Variants in SCMH1 observed in about 807,000 individuals in gnomAD.
The protein encoded by SCMH1 is Scm polycomb group protein homolog 1, also known as polycomb protein SCMH1.
In SCMH1, 37 loss-of-function variants were observed where a neutral mutation model predicts 70.8. The observed-to-expected ratio is 0.52, with a 90% CI of 0.40 to 0.69. The LOEUF is 0.69. SCMH1 is among the 30% of genes least tolerant of loss of function. The pLI is 0.00. For synonymous variants in SCMH1, 292 were observed against 307.4 expected (o/e 0.95, Z 0.52); for missense variants, 607 against 827.3 (o/e 0.73, Z 3.27).
intron 2 of SCMH1, among the ~76,000 whole-genome samples, chr1:41,168,973 G>A (rs1424736416): frequency 2.0e-5 from 3 of 152,130 alleles, no homozygotes; most frequent in African/African-American, 7.2e-5. Flanking sequence ...CTTCACAGCT[G>A]AGCCTGAGCA....
chr1:41,192,495 GACACACAC>G (rs55940657), intron 1 of SCMH1, among the ~76,000 whole-genome samples: 4 of 148,744 alleles, frequency 2.7e-5, no homozygotes, highest in South Asian at 4.3e-4. Flanking sequence ...TTAAATAGGA[GACACACAC>G]ACACACACAC....
intron 1 of SCMH1, among the ~76,000 whole-genome samples, chr1:41,222,498 CTT>C (rs2148857315): frequency 6.6e-6 from 1 of 152,278 alleles, no homozygotes; most frequent in African/African-American, 2.4e-5. Context: ...TATACTAACT[CTT>C]TATAACATGA....
intron 4 of SCMH1, among the ~76,000 whole-genome samples, 178 bp downstream of exon 4, chr1:41,160,697 G>C (rs1310873572): frequency 6.6e-6 from 1 of 152,154 alleles, no homozygotes; most frequent in African/African-American, 2.4e-5. Context: ...AGCAGGACTT[G>C]ATGTGACAGC....
intron 6 of SCMH1, among the ~76,000 whole-genome samples, chr1:41,133,296 G>C (rs1318283971): frequency 6.6e-6 from 1 of 151,986 alleles, no homozygotes; most frequent in East Asian, 1.9e-4. Context: ...TATTCTTTTT[G>C]TATCAATGGT....
intron 1 of SCMH1, among the ~76,000 whole-genome samples, chr1:41,213,028 T>TACAAATAAGAGTGTAGGA (rs1480550768): frequency 6.6e-6 from 1 of 152,156 alleles, no homozygotes; most frequent in Non-Finnish European, 1.5e-5. Flanking sequence ...GAATCCATGC[T>TACAAATAAGAGTGTAGGA]ACAAATAAGA....
chr1:41,074,308 T>TC (rs1657505767), intron 9 of SCMH1, among the ~76,000 whole-genome samples: 2 of 152,282 alleles, frequency 1.3e-5, no homozygotes, highest in South Asian at 4.1e-4. Context: ...AGGGCCAATC[T>TC]CTGTAGCTTT....
chr1:41,070,848 C>T, intron 9 of SCMH1, 127 bp from the exon 10 acceptor site: 1 of 1,162,674 alleles, frequency 8.6e-7, no homozygotes, highest in Non-Finnish European at 1.2e-6. Flanking sequence ...TCTTTGTTCT[C>T]TACACAGCAT....
At chr1:41,177,634 T>C (rs1572859850) in intron 2 of SCMH1, among the ~76,000 whole-genome samples, 1 of 151,958 alleles carries the variant, frequency 6.6e-6, no homozygotes, top group Non-Finnish European at 1.5e-5. Flanking sequence ...GAAGAAAGGG[T>C]ACCAGTGATG....
intron 8 of SCMH1, among the ~76,000 whole-genome samples, chr1:41,078,644 G>A (rs191833210): frequency 3.6e-4 from 55 of 152,170 alleles, no homozygotes; most frequent in Non-Finnish European, 2.9e-5. Context: ...TCCTTAAAGG[G>A]CTAAAAGAAA....
At chr1:41,237,860 T>C (rs549924383) in intron 1 of SCMH1, among the ~76,000 whole-genome samples, 2 of 152,298 alleles carry the variant, frequency 1.3e-5, no homozygotes, top group East Asian at 3.9e-4. Flanking sequence ...ATGTTCTATT[T>C]TATAACTTAG....
chr1:41,219,932 CAA>C (rs147480594), intron 1 of SCMH1, among the ~76,000 whole-genome samples: 40 of 121,036 alleles, frequency 3.3e-4, no homozygotes, highest in Non-Finnish European at 2.3e-4. Context: ...CTCCGTCTCA[CAA>C]AAAAAAAAAA....
chr1:41,211,518 A>C (rs1657023121), intron 1 of SCMH1, among the ~76,000 whole-genome samples: 1 of 152,254 alleles, frequency 6.6e-6, no homozygotes, highest in Admixed American at 6.5e-5. Context: ...AGGAAACAAC[A>C]GATGCTGAAG....
intron 10 of SCMH1, among the ~76,000 whole-genome samples, chr1:41,051,474 A>G (rs969426725): frequency 1.1e-4 from 17 of 152,290 alleles, no homozygotes; most frequent in African/African-American, 4.1e-4. Flanking sequence ...AGGAGAAAGC[A>G]TTGTTATCAC....
chr1:41,122,621 G>A (rs1557542856), intron 6 of SCMH1, among the ~76,000 whole-genome samples: 2 of 152,090 alleles, frequency 1.3e-5, no homozygotes, highest in Admixed American at 1.3e-4. Flanking sequence ...AACAACATGG[G>A]GAAGAATTTA....
At chr1:41,160,939 A>C (rs1219536338) in intron 3 of SCMH1, 41 bp from the exon 4 acceptor site, 1 of 1,532,270 alleles carries the variant, frequency 6.5e-7, no homozygotes, top group Non-Finnish European at 8.8e-7. Flanking sequence ...TCATTAAGAC[A>C]AACATACCAA....
At chr1:41,225,768 T>A (rs1437620089) in intron 1 of SCMH1, among the ~76,000 whole-genome samples, 1 of 152,164 alleles carries the variant, frequency 6.6e-6, no homozygotes, top group Admixed American at 6.5e-5. Context: ...AAGAATAGGA[T>A]CTATGGCAAG....
chr1:41,189,335 G>C (rs946720714), intron 1 of SCMH1, among the ~76,000 whole-genome samples: 2 of 152,122 alleles, frequency 1.3e-5, no homozygotes, highest in African/African-American at 4.8e-5. Context: ...ATTTTTAGTA[G>C]AGACAGGGTT....
chr1:41,226,872 T>C (rs562606141), intron 1 of SCMH1, among the ~76,000 whole-genome samples: 1 of 152,280 alleles, frequency 6.6e-6, no homozygotes, highest in Non-Finnish European at 1.5e-5. Context: ...GGAAGTTATG[T>C]CTCCGTTGAA....
chr1:41,032,978 C>CAAAA (rs1327396809), intron 13 of SCMH1, among the ~76,000 whole-genome samples: 7,829 of 68,662 alleles, frequency 0.11, 331 homozygotes, highest in Admixed American at 0.18. Flanking sequence ...GACTCTGTCT[C>CAAAA]AAAAAAAAAA....
Sources: gnomAD v4.1 joint callset for allele counts (sites outside exome capture counted in the v4.1 genomes callset) on GRCh38, gnomAD v4.1.1 for gene constraint, MANE v1.5 for transcripts, NCBI Gene and HGNC (gene_info 2026-07-23, HGNC 2026-07-21) for gene names.